The following RASAL2 variants were observed in gnomAD, a reference collection of about 807,000 sequenced individuals.
RASAL2 encodes the protein ras GTPase-activating protein nGAP.
Under a neutral mutation model 128.9 loss-of-function variants are expected in RASAL2, and 58 were observed. The ratio of observed to expected loss-of-function variants is 0.45; its 90% confidence interval spans 0.36 to 0.56. The LOEUF is 0.56. RASAL2 is among the 20% of genes least tolerant of loss of function. The pLI is 0.00. For missense variants in RASAL2, 1,360 were observed against 1,601.6 expected, an observed-to-expected ratio of 0.85 and a Z score of 2.57; for synonymous variants, 561 against 580.8, an observed-to-expected ratio of 0.97 and a Z score of 0.49.
At chr1:178,213,458 T>C (rs1663323344) in intron 1 of RASAL2, among the ~76,000 whole-genome samples, 1 of 152,128 alleles carries the variant, frequency 6.6e-6, no homozygotes, top group Non-Finnish European at 1.5e-5. Context: ...GGAATATTAA[T>C]GGCAGCTTTA....
At chr1:178,153,619 T>C (rs539324446) in intron 1 of RASAL2, among the ~76,000 whole-genome samples, 7 of 152,316 alleles carry the variant, frequency 4.6e-5, no homozygotes, top group Admixed American at 2.0e-4. Flanking sequence ...GGTTCATCCA[T>C]GTTGTAGCAA....
rs59978357 is a variant in RASAL2 at position 178,259,122 on chromosome 1, CTTTTTTT to C, written c.203-24422_203-24416del. On this transcript the variant is annotated intron_variant, in intron 1 of 17. Transcript: ENST00000367649. ...GGATGTGTAAAGGGCAATGAAACTT[CTTTTTTT>C]TTTTTTTTTTTTTTTTTTTGAGACG... Among the ~76,000 whole-genome samples, 183 of 70,558 alleles carry C rather than the reference CTTTTTTT, an allele frequency of 2.6e-3. 1 individual carries two copies. The highest frequency in any genetic ancestry group is 9.6e-3 in the Middle Eastern group (1 of 104). 46.3% of individuals were successfully genotyped at this position (70,558 alleles called of 152,430 possible). A position where few individuals can be genotyped will look rare whatever the true frequency, so the allele number is the denominator to read the frequency against.
intron 1 of RASAL2, among the ~76,000 whole-genome samples, chr1:178,245,489 G>C (rs1347014845): frequency 6.6e-6 from 1 of 152,084 alleles, no homozygotes; most frequent in Non-Finnish European, 1.5e-5. Flanking sequence ...TGTCAGATGG[G>C]TAGATTACAA....
At chr1:178,298,721 C>G (rs947747948) in intron 2 of RASAL2, among the ~76,000 whole-genome samples, 4 of 152,130 alleles carry the variant, frequency 2.6e-5, no homozygotes, top group Non-Finnish European at 4.4e-5. Flanking sequence ...CATATGAACT[C>G]ATTAGACTTG....
intron 1 of RASAL2, among the ~76,000 whole-genome samples, chr1:178,149,828 ATACT>A (rs559636902): frequency 6.6e-6 from 1 of 152,270 alleles, no homozygotes; most frequent in South Asian, 2.1e-4. Context: ...GATCACTCTG[ATACT>A]TAATTATCTG....
chr1:178,126,293 C>T (rs746914690), intron 1 of RASAL2, among the ~76,000 whole-genome samples: 15 of 152,154 alleles, frequency 9.9e-5, no homozygotes, highest in Non-Finnish European at 2.1e-4. Context: ...AAGTCTCAAA[C>T]ACATGTAAAG....
At chr1:178,358,142 A>C (rs1226195068) in intron 3 of RASAL2, among the ~76,000 whole-genome samples, 2 of 151,004 alleles carry the variant, frequency 1.3e-5, no homozygotes, top group East Asian at 2.0e-4. Context: ...AGACCAAGGC[A>C]CAAGAATTGC....
chr1:178,231,958 C>T (rs1331940694), intron 1 of RASAL2, among the ~76,000 whole-genome samples: 1 of 152,096 alleles, frequency 6.6e-6, no homozygotes, highest in African/African-American at 2.4e-5. Flanking sequence ...ATAAATAGAA[C>T]ATTGTAATAT....
At chr1:178,315,678 T>G (rs1053991138) in intron 3 of RASAL2, among the ~76,000 whole-genome samples, 21 of 146,104 alleles carry the variant, frequency 1.4e-4, no homozygotes, top group Non-Finnish European at 2.8e-4. Flanking sequence ...TCACTGTAGA[T>G]TCTGGATATT....
intron 1 of RASAL2, among the ~76,000 whole-genome samples, chr1:178,117,931 A>G (rs1189984811): frequency 6.6e-6 from 1 of 152,028 alleles, no homozygotes; most frequent in Non-Finnish European, 1.5e-5. Flanking sequence ...TTGGGAGGCC[A>G]AGATGGGTGG....
chr1:178,162,807 T>C (rs1661379750), intron 1 of RASAL2, among the ~76,000 whole-genome samples: 1 of 151,442 alleles, frequency 6.6e-6, no homozygotes, highest in Non-Finnish European at 1.5e-5. Flanking sequence ...AGGCAGGTCT[T>C]GAACTCCTGA....
intron 1 of RASAL2, among the ~76,000 whole-genome samples, chr1:178,274,608 A>G (rs879060300): frequency 1.1e-4 from 17 of 151,970 alleles, no homozygotes; most frequent in Non-Finnish European, 2.9e-5. Flanking sequence ...TCTTTTTGAG[A>G]CAGGGTCTTG....
chr1:178,327,022 A>T (rs1275825818), intron 3 of RASAL2, among the ~76,000 whole-genome samples: 2 of 152,204 alleles, frequency 1.3e-5, no homozygotes, highest in African/African-American at 2.4e-5. Context: ...CTCTTAATAA[A>T]GGACAAGTTT....
At chr1:178,227,138 A>G (rs1369933875) in intron 1 of RASAL2, among the ~76,000 whole-genome samples, 1 of 152,112 alleles carries the variant, frequency 6.6e-6, no homozygotes, top group Non-Finnish European at 1.5e-5. Flanking sequence ...ACCACCTCAG[A>G]AAAAATCAAA....
At chr1:178,220,187 A>T (rs1353930181) in intron 1 of RASAL2, among the ~76,000 whole-genome samples, 1 of 152,070 alleles carries the variant, frequency 6.6e-6, no homozygotes, top group East Asian at 1.9e-4. Context: ...AGCTGAACAG[A>T]CCTCTTTTTT....
intron 3 of RASAL2, among the ~76,000 whole-genome samples, chr1:178,365,425 T>G (rs1671344826): frequency 6.7e-6 from 1 of 149,256 alleles, no homozygotes; most frequent in Admixed American, 6.8e-5. Flanking sequence ...TATCCTCTAG[T>G]TGCCTGTTAT....
At chr1:178,465,818 G>T in intron 15 of RASAL2, 102 bp from the exon 16 acceptor site, 1 of 1,127,744 alleles carries the variant, frequency 8.9e-7, no homozygotes. Context: ...AAAGAAAAAA[G>T]AAAAAGAAAA....
At chr1:178,295,809 T>G (rs1245473391) in intron 2 of RASAL2, among the ~76,000 whole-genome samples, 1 of 152,194 alleles carries the variant, frequency 6.6e-6, no homozygotes, top group East Asian at 1.9e-4. Flanking sequence ...GAGGAATTGT[T>G]TTTTCTTTAA....
intron 4 of RASAL2, among the ~76,000 whole-genome samples, chr1:178,409,054 G>A (rs78519580): frequency 0.039 from 5,989 of 152,194 alleles, 408 homozygotes; most frequent in African/African-American, 0.14. Context: ...ATAGCGGAAG[G>A]AGAAGAAGGA....
Sources: gnomAD v4.1 joint callset for allele counts (sites outside exome capture counted in the v4.1 genomes callset) on GRCh38, gnomAD v4.1.1 for gene constraint, MANE v1.5 for transcripts, NCBI Gene and HGNC (gene_info 2026-07-23, HGNC 2026-07-21) for gene names.